EXOC4: variants seen among roughly 807,000 people sequenced by gnomAD.
EXOC4 encodes the protein exocyst complex component 4, also known as SEC8-like 1.
EXOC4 carries 71 observed loss-of-function variants against 107.2 expected under a neutral mutation model. The ratio of observed to expected loss-of-function variants is 0.66; its 90% CI spans 0.55 to 0.81. The LOEUF is 0.81. Among genes scored for constraint, EXOC4 ranks in the 30% least tolerant of loss-of-function variants. EXOC4 has a pLI of 0.00. For missense variants in EXOC4, 1,108 were observed against 1,189.6 expected, an observed-to-expected ratio of 0.93 and a Z score of 1.01; for synonymous variants, 456 against 441.2, an observed-to-expected ratio of 1.03 and a Z score of -0.42.
chr7:133,731,546 A>G (rs764113930), intron 10 of EXOC4, among the ~76,000 whole-genome samples: 11 of 152,214 alleles, frequency 7.2e-5, no homozygotes, highest in Non-Finnish European at 1.0e-4. Context: ...AAAAATAAAG[A>G]GATAAATAAA....
chr7:134,015,650 G>A lies in EXOC4; in HGVS notation c.2687+7815G>A, dbSNP rs1278278796. On this transcript the variant is annotated intron_variant, in intron 17 of 17. Coordinates refer to ENST00000253861, the MANE Select transcript of EXOC4 (RefSeq NM_021807.4). Reference sequence around the variant, plus strand: ...CCAGCACTTTGGGAGGCCGAGGCAGGTGGATCACGAGGTCAGGAGATCGAG... The same window carrying A: ...CCAGCACTTTGGGAGGCCGAGGCAGATGGATCACGAGGTCAGGAGATCGAG... Among the ~76,000 whole-genome samples the A allele has an allele frequency of 3.9e-5, 6 of 152,116 alleles. No homozygotes were observed. The South Asian group carries it at 8.3e-4, about 21-fold the overall frequency.
intron 2 of EXOC4, among the ~76,000 whole-genome samples, chr7:133,282,439 G>T (rs1423890650): frequency 1.3e-5 from 2 of 152,170 alleles, no homozygotes; most frequent in Middle Eastern, 3.4e-3. Context: ...GTTTTAGGAA[G>T]AAACAGAGTA....
chr7:133,431,628 A>G (rs975927819), intron 7 of EXOC4, among the ~76,000 whole-genome samples: 1 of 152,286 alleles, frequency 6.6e-6, no homozygotes, highest in East Asian at 1.9e-4. Context: ...AGAGTAATAT[A>G]TGTGTAAATT....
chr7:133,770,307 C>T (rs995964641), intron 10 of EXOC4, among the ~76,000 whole-genome samples: 5 of 151,842 alleles, frequency 3.3e-5, no homozygotes, highest in Admixed American at 6.6e-5. Flanking sequence ...GCCCATTAGC[C>T]TACAGCTAAC....
At chr7:133,357,603 CGTT>C (rs1796050525) in intron 6 of EXOC4, among the ~76,000 whole-genome samples, 1 of 151,972 alleles carries the variant, frequency 6.6e-6, no homozygotes, top group South Asian at 2.1e-4. Context: ...CTTGTAGATA[CGTT>C]GTTAAGGAAA....
intron 10 of EXOC4, among the ~76,000 whole-genome samples, chr7:133,750,821 T>C (rs1190912856): frequency 6.6e-6 from 1 of 152,170 alleles, no homozygotes; most frequent in Non-Finnish European, 1.5e-5. Context: ...GCTCAAGCTG[T>C]CTTCTTACCT....
At chr7:133,729,005 C>G (rs975811055) in intron 10 of EXOC4, among the ~76,000 whole-genome samples, 3 of 152,124 alleles carry the variant, frequency 2.0e-5, no homozygotes, top group African/African-American at 7.2e-5. Context: ...CACTTCTAGC[C>G]TTTGGGTTTC....
At chr7:133,677,028 A>T (rs1389941659) in intron 10 of EXOC4, among the ~76,000 whole-genome samples, 1 of 149,812 alleles carries the variant, frequency 6.7e-6, no homozygotes, top group Non-Finnish European at 1.5e-5. Flanking sequence ...TGCCTCCTTT[A>T]TTCTGACAGT....
intron 14 of EXOC4, among the ~76,000 whole-genome samples, chr7:133,976,350 A>G (rs1284269197): frequency 1.3e-5 from 2 of 152,226 alleles, no homozygotes; most frequent in Non-Finnish European, 2.9e-5. Flanking sequence ...GCTGTGAGGA[A>G]AGCGTCAGAT....
intron 10 of EXOC4, among the ~76,000 whole-genome samples, chr7:133,630,636 G>GA (rs1386759221): frequency 6.6e-6 from 1 of 151,986 alleles, no homozygotes; most frequent in Non-Finnish European, 1.5e-5. Context: ...CCCTTTACAG[G>GA]AAAAAATTGC....
At chr7:133,331,487 G>A in intron 5 of EXOC4, among the ~76,000 whole-genome samples, 1 of 126,434 alleles carries the variant, frequency 7.9e-6, no homozygotes, top group South Asian at 2.7e-4. Flanking sequence ...TTTTTTTTGA[G>A]ATGGAGTCTC....
intron 9 of EXOC4, among the ~76,000 whole-genome samples, chr7:133,599,250 A>T (rs2911496): frequency 0.24 from 35,941 of 152,116 alleles, 4,969 homozygotes; most frequent in African/African-American, 0.37. Flanking sequence ...ATAAAGCCTC[A>T]TCTCTTAATA....
intron 9 of EXOC4, among the ~76,000 whole-genome samples, chr7:133,562,845 G>T (rs546479188): frequency 6.6e-6 from 1 of 152,208 alleles, no homozygotes; most frequent in African/African-American, 2.4e-5. Context: ...TTAATTTTTA[G>T]TCCCTGAGTC....
intron 15 of EXOC4, among the ~76,000 whole-genome samples, chr7:133,999,326 C>T (rs1794474214): frequency 6.6e-6 from 1 of 152,080 alleles, no homozygotes; most frequent in Admixed American, 6.6e-5. Context: ...AGGGTGACTC[C>T]TTGTGTGTGC....
intron 12 of EXOC4, among the ~76,000 whole-genome samples, chr7:133,896,380 GA>G (rs1310317684): frequency 7.9e-5 from 12 of 152,066 alleles, no homozygotes; most frequent in Admixed American, 1.3e-4. Flanking sequence ...AACAATTAGG[GA>G]AGAAAAGAAT....
intron 14 of EXOC4, among the ~76,000 whole-genome samples, chr7:133,951,985 A>G (rs1800702356): frequency 2.0e-5 from 3 of 152,136 alleles, no homozygotes; most frequent in Admixed American, 1.3e-4. Flanking sequence ...GTGAAACCCC[A>G]TCTCTACTAA....
intron 9 of EXOC4, among the ~76,000 whole-genome samples, chr7:133,498,110 C>T (rs1214115007): frequency 6.6e-6 from 1 of 152,106 alleles, no homozygotes; most frequent in Non-Finnish European, 1.5e-5. Flanking sequence ...CTCATGATTC[C>T]TCCTCCCTAC....
chr7:133,819,918 C>T (rs1442516608), intron 11 of EXOC4, among the ~76,000 whole-genome samples: 1 of 152,150 alleles, frequency 6.6e-6, no homozygotes, highest in Non-Finnish European at 1.5e-5. Context: ...CATATCTGGG[C>T]AGTCTGTCCA....
intron 6 of EXOC4, among the ~76,000 whole-genome samples, chr7:133,364,538 A>G (rs189332797): frequency 6.6e-6 from 1 of 152,142 alleles, no homozygotes; most frequent in Non-Finnish European, 1.5e-5. Context: ...GGGTCTATGG[A>G]CCCACATCAC....
Sources: allele counts gnomAD v4.1 joint callset (sites outside exome capture counted in the v4.1 genomes callset), GRCh38; gene constraint gnomAD v4.1.1; transcripts MANE v1.5; gene names NCBI Gene and HGNC (gene_info 2026-07-23, HGNC 2026-07-21).